The following SLC16A10 variants were observed in gnomAD, a reference collection of about 807,000 sequenced individuals.
SLC16A10 encodes the protein monocarboxylate transporter 10.
Under a neutral mutation model 40.0 loss-of-function variants are expected in SLC16A10, and 27 were observed. That is an observed-to-expected ratio of 0.67 (90% CI 0.50 to 0.93). The LOEUF is 0.93. Ranked by LOEUF, SLC16A10 falls within the 40% of genes least tolerant of loss-of-function variation. The pLI is 0.00. For synonymous variants in SLC16A10, 213 were observed against 249.8 expected (o/e 0.85, Z 1.39); for missense variants, 529 against 658.2 (o/e 0.80, Z 2.15).
intron 4 of SLC16A10, among the ~76,000 whole-genome samples, chr6:111,216,492 C>G (rs959205002): frequency 3.3e-5 from 5 of 151,908 alleles, no homozygotes; most frequent in Admixed American, 6.6e-5. Context: ...CAAGCTCCGC[C>G]TGCTGGGTTG....
intron 1 of SLC16A10, 108 bp downstream of exon 1, chr6:111,088,203 C>T: frequency 8.5e-7 from 1 of 1,172,740 alleles, no homozygotes; most frequent in South Asian, 1.4e-5. Context: ...TCGGTGGGTC[C>T]CTGTGCCAGA....
At chr6:111,205,913 C>G (rs538947409) in intron 3 of SLC16A10, among the ~76,000 whole-genome samples, 181 of 152,146 alleles carry the variant, frequency 1.2e-3, no homozygotes, top group Non-Finnish European at 2.2e-3. Flanking sequence ...CCAGAATTGA[C>G]CCTTGAACTG....
chr6:111,114,870 A>G (rs1318992805), intron 1 of SLC16A10, among the ~76,000 whole-genome samples: 1 of 152,036 alleles, frequency 6.6e-6, no homozygotes, highest in Non-Finnish European at 1.5e-5. Context: ...TACGTTATCT[A>G]TTTATTTTTA....
At chr6:111,191,933 T>C (rs1369695504) in intron 3 of SLC16A10, among the ~76,000 whole-genome samples, 1 of 152,200 alleles carries the variant, frequency 6.6e-6, no homozygotes, top group East Asian at 1.9e-4. Context: ...GTCAGATGGA[T>C]AGATTGCAAA....
At chr6:111,089,860 T>C (rs1770941221) in intron 1 of SLC16A10, among the ~76,000 whole-genome samples, 1 of 151,430 alleles carries the variant, frequency 6.6e-6, no homozygotes, top group Admixed American at 6.6e-5. Flanking sequence ...TTGTTTATCA[T>C]TGTTTTTGCA....
rs940176686 is a variant in SLC16A10, at chr6:111,125,429, A to G, written c.343+37334A>G. Among the ~76,000 whole-genome samples the G allele has an allele frequency of 5.3e-5, 8 of 152,324 alleles. No homozygotes were observed. The East Asian group carries it at 1.5e-3, about 29-fold the overall frequency. On this transcript the variant is annotated intron_variant, in intron 1 of 5. Transcript: ENST00000368851. ...AAGGTGATCCGGAAAACCAGGACAC[A>G]TTTATGGTAAGATATAACACCTTAC...
At position 111,177,297 on chromosome 6, in the gene SLC16A10, G is replaced by A; in HGVS notation, c.574G>A (p.Gly192Arg). The part of the protein sequence containing the change: ...FAYQPSLVIL[G>R]HYFKKRLGLV... ...ATACCAGCCTTCATTGGTCATTTTG[G>A]GACACTATTTCAAGAAGCGCCTTGG... The change falls in exon 3 of 6, where the codon GGA becomes AGA. Residue 192 changes from glycine to arginine, a missense_variant. Transcript: ENST00000368851. 6.2e-7 allele frequency: 1 copy of A among 1,611,726 alleles called. No individual in the cohort carries two copies. Among genetic ancestry groups the A allele is most frequent in the Non-Finnish European group, 8.5e-7 (1 of 1,179,230 alleles).
At chr6:111,167,408 A>G (rs1474993255) in intron 1 of SLC16A10, among the ~76,000 whole-genome samples, 2 of 152,138 alleles carry the variant, frequency 1.3e-5, no homozygotes, top group Non-Finnish European at 2.9e-5. Flanking sequence ...GGGCAGAAGT[A>G]AGTTGTAAAA....
chr6:111,154,549 A>T (rs1772233624), intron 1 of SLC16A10, among the ~76,000 whole-genome samples: 1 of 152,204 alleles, frequency 6.6e-6, no homozygotes, highest in Admixed American at 6.5e-5. Context: ...TTACTCAAGG[A>T]AGCAAGTATT....
At chr6:111,116,515 G>A (rs1218917501) in intron 1 of SLC16A10, among the ~76,000 whole-genome samples, 2 of 151,802 alleles carry the variant, frequency 1.3e-5, no homozygotes, top group Non-Finnish European at 2.9e-5. Context: ...ACTGCACCTG[G>A]GCAAAAAAAG....
chr6:111,188,940 T>C (rs929047590), intron 3 of SLC16A10, among the ~76,000 whole-genome samples: 3 of 152,204 alleles, frequency 2.0e-5, no homozygotes, highest in African/African-American at 7.2e-5. Context: ...GTTGCACAGT[T>C]AAGTAACAGA....
intron 1 of SLC16A10, among the ~76,000 whole-genome samples, chr6:111,121,446 A>T (rs1771582137): frequency 6.6e-6 from 1 of 152,194 alleles, no homozygotes; most frequent in Non-Finnish European, 1.5e-5. Context: ...CTGTAGTACC[A>T]GCTACTTCGG....
chr6:111,176,477 A>G (rs1474418226), intron 2 of SLC16A10, among the ~76,000 whole-genome samples: 1 of 152,228 alleles, frequency 6.6e-6, no homozygotes, highest in Non-Finnish European at 1.5e-5. Context: ...AGATTATTTA[A>G]TCCATTATTC....
In SLC16A10 at chr6:111,225,718, A is replaced by G. The variant is rs1385755786; in HGVS notation, c.*3483A>G. On this transcript the variant is annotated 3_prime_UTR_variant, in exon 6 of 6. Transcript: ENST00000368851. ...TTGATGTTAAATCAATGGAAAACTG[A>G]ATAGAAAATATGACACGAGATCGGG... is the stretch of plus-strand genomic sequence containing the variant. The G allele has an allele frequency of 6.6e-6, 1 of 152,216 alleles. No individual in the cohort carries two copies. The highest frequency in any genetic ancestry group is 1.5e-5 in the Non-Finnish European group (1 of 68,046). 9.4% of individuals were successfully genotyped at this position (152,216 alleles called of 1,614,324 possible). A position where few individuals can be genotyped will look rare whatever the true frequency, so the allele number is the denominator to read the frequency against.
intron 1 of SLC16A10, among the ~76,000 whole-genome samples, chr6:111,099,491 T>C (rs1771135924): frequency 6.6e-6 from 1 of 152,022 alleles, no homozygotes. Context: ...TTTTAAAGTT[T>C]TTTTGTAGAG....
intron 3 of SLC16A10, among the ~76,000 whole-genome samples, chr6:111,206,131 T>G (rs915841256): frequency 4.6e-5 from 7 of 151,262 alleles, no homozygotes; most frequent in Non-Finnish European, 8.8e-5. Context: ...CAGGCTGGAG[T>G]GCAGTTGTGC....
At chr6:111,182,868 T>G (rs1226461192) in intron 3 of SLC16A10, among the ~76,000 whole-genome samples, 1 of 152,150 alleles carries the variant, frequency 6.6e-6, no homozygotes, top group Non-Finnish European at 1.5e-5. Flanking sequence ...TGGCTTTTCT[T>G]TCAAAATATA....
intron 4 of SLC16A10, among the ~76,000 whole-genome samples, chr6:111,211,062 C>T (rs1427826616): frequency 1.3e-5 from 2 of 149,200 alleles, no homozygotes; most frequent in African/African-American, 2.5e-5. Context: ...TGTTGGAGGA[C>T]GTAGGTCTGA....
At chr6:111,205,940 TA>T (rs567503938) in intron 3 of SLC16A10, among the ~76,000 whole-genome samples, 65 of 152,352 alleles carry the variant, frequency 4.3e-4, no homozygotes, top group African/African-American at 1.5e-3. Context: ...AGGGAGCAGA[TA>T]ATGTAACGGG....
Sources: gnomAD v4.1 joint callset for allele counts (sites outside exome capture counted in the v4.1 genomes callset) on GRCh38, gnomAD v4.1.1 for gene constraint, MANE v1.5 for transcripts, NCBI Gene and HGNC (gene_info 2026-07-23, HGNC 2026-07-21) for gene names.